PCDHGA9: variants seen among roughly 807,000 people sequenced by gnomAD.
The protein encoded by PCDHGA9 is protocadherin gamma-A9.
In PCDHGA9, 37 loss-of-function variants were observed where a neutral mutation model predicts 62.5. The ratio of observed to expected loss-of-function variants is 0.59; its 90% CI spans 0.46 to 0.78. PCDHGA9 has a LOEUF of 0.78. Ranked by LOEUF, PCDHGA9 falls within the 30% of genes least tolerant of loss-of-function variation. PCDHGA9 has a pLI of 0.00. For missense variants in PCDHGA9, 1,138 were observed against 1,166.2 expected, an observed-to-expected ratio of 0.98 and a Z score of 0.35; for synonymous variants, 459 against 484.6, an observed-to-expected ratio of 0.95 and a Z score of 0.69.
intron 1 of PCDHGA9, chr5:141,418,639 C>T (rs2096276711): frequency 6.2e-7 from 1 of 1,614,014 alleles, no homozygotes; most frequent in Non-Finnish European, 8.5e-7. Flanking sequence ...CAGGCACCTC[C>T]ATCCTGAGAG....
At chr5:141,425,021 CT>C (rs1561817318) in intron 1 of PCDHGA9, among the ~76,000 whole-genome samples, 1 of 152,054 alleles carries the variant, frequency 6.6e-6, no homozygotes, top group Non-Finnish European at 1.5e-5. Context: ...AGGAATTTAC[CT>C]TATGTCATTA....
rs146235929 is a variant in PCDHGA9 at position 141,511,610 on chromosome 5, C to A, written c.*437C>A. On this transcript the variant is annotated 3_prime_UTR_variant, in exon 4 of 4. Transcript: ENST00000573521. ...GAAGTACCAAGTAACCTACAAGCCT[C>A]CTAGTTCTGAAAAGTTGGAAGGGCA... 1.0e-3 allele frequency: 247 copies of A among 237,682 alleles called. 1 individual carries two copies. The highest frequency in any genetic ancestry group is 5.2e-3 in the African/African-American group (235 of 45,400). The allele number at this position is 237,682 out of a possible 1,614,324, so 14.7% of individuals were successfully genotyped here. A position where few individuals can be genotyped will look rare whatever the true frequency, so the allele number is the denominator to read the frequency against.
intron 2 of PCDHGA9, among the ~76,000 whole-genome samples, chr5:141,501,536 G>A (rs570102957): frequency 5.9e-5 from 9 of 152,054 alleles, no homozygotes; most frequent in African/African-American, 2.2e-4. Context: ...GTACGTTGTT[G>A]TGCATAAGAT....
Position 141,490,772 on chromosome 5 carries a change from C to T in PCDHGA9, c.2425-4035C>T. ...GCCTCCTCCTTTGTGTATGTCAACC[C>T]AGAGGATGGACGGATCTTTGCCCAG... On this transcript the variant is annotated intron_variant, in intron 1 of 3. Coordinates refer to ENST00000573521, the MANE Select transcript of PCDHGA9 (RefSeq NM_018921.3). This position sits in a 1 kb window ranked among gnomAD's most constrained non-coding sequence, Gnocchi z 5.4. 6.2e-7 allele frequency: 1 copy of T among 1,614,164 alleles called. No homozygotes were observed. The highest frequency in any genetic ancestry group is 1.1e-5 in the South Asian group (1 of 91,082).
intron 1 of PCDHGA9, among the ~76,000 whole-genome samples, chr5:141,457,459 CA>C (rs1402759850): frequency 6.6e-6 from 1 of 152,166 alleles, no homozygotes; most frequent in Non-Finnish European, 1.5e-5. Context: ...CCACTTGATT[CA>C]CAGGAATAAG....
intron 1 of PCDHGA9, among the ~76,000 whole-genome samples, chr5:141,463,318 C>A (rs2099056713): frequency 6.6e-6 from 1 of 151,878 alleles, no homozygotes; most frequent in East Asian, 1.9e-4. Flanking sequence ...ATATCTATTC[C>A]TCAACTCAGC....
intron 1 of PCDHGA9, chr5:141,420,276 T>C: frequency 6.6e-7 from 1 of 1,523,250 alleles, no homozygotes; most frequent in Non-Finnish European, 8.9e-7. Context: ...CTTAAACAGG[T>C]AAGTATTTAA....
chr5:141,501,290 T>TACACATAC (rs1224133816), intron 2 of PCDHGA9, among the ~76,000 whole-genome samples: 1,510 of 136,196 alleles, frequency 0.011, 8 homozygotes, highest in Admixed American at 0.014. Flanking sequence ...TATTCCCTTA[T>TACACATAC]ACACACACAC....
chr5:141,510,141 T>C (rs1596266322), intron 3 of PCDHGA9, among the ~76,000 whole-genome samples: 1 of 152,014 alleles, frequency 6.6e-6, no homozygotes. Flanking sequence ...GGGCTAGTGG[T>C]GTGCACCTGT....
At chr5:141,455,740 G>C (rs2098830344) in intron 1 of PCDHGA9, among the ~76,000 whole-genome samples, 1 of 152,136 alleles carries the variant, frequency 6.6e-6, no homozygotes, top group Non-Finnish European at 1.5e-5. Context: ...GCATATCAAA[G>C]GTTGCTGGCC....
chr5:141,407,798 A>T (rs2094982737), intron 1 of PCDHGA9, among the ~76,000 whole-genome samples: 1 of 152,256 alleles, frequency 6.6e-6, no homozygotes, highest in Non-Finnish European at 1.5e-5. Context: ...AACACAAAGC[A>T]TAGAAATATC....
intron 1 of PCDHGA9, among the ~76,000 whole-genome samples, chr5:141,456,907 G>A (rs1430292511): frequency 6.6e-6 from 1 of 152,108 alleles, no homozygotes; most frequent in Non-Finnish European, 1.5e-5. Flanking sequence ...AGGTTGCAGT[G>A]AGCCGAGATC....
At position 141,419,294 on chromosome 5, in the gene PCDHGA9, C is replaced by T. The variant is rs770303087; in HGVS notation, c.2424+13918C>T. ...CATAGCGCAAGTCAGTGCCTCTGAC[C>T]CAGACTTCGGGCTCAACGGCCGTGT... On this transcript the variant is annotated intron_variant, in intron 1 of 3. Transcript: ENST00000573521. The T allele has an allele frequency of 1.9e-6, 3 of 1,614,036 alleles. No homozygotes were observed. Among genetic ancestry groups the T allele is most frequent in the East Asian group, 2.2e-5 (1 of 44,886 alleles).
chr5:141,415,102 A>C, intron 1 of PCDHGA9: 1 of 1,613,550 alleles, frequency 6.2e-7, no homozygotes. Flanking sequence ...AGACGCGCTC[A>C]AGCAAAGCCT....
intron 1 of PCDHGA9, among the ~76,000 whole-genome samples, chr5:141,463,527 G>C (rs12109431): frequency 1.5e-5 from 2 of 131,102 alleles, no homozygotes; most frequent in Non-Finnish European, 3.1e-5. Context: ...CGGCTTACTA[G>C]AAACTCCGGC....
chr5:141,438,450 A>G (rs1017249043), intron 1 of PCDHGA9, among the ~76,000 whole-genome samples: 32 of 151,738 alleles, frequency 2.1e-4, no homozygotes, highest in African/African-American at 7.5e-4. Flanking sequence ...ACTCAATACA[A>G]TGCTTGAGTT....
chr5:141,409,666 C>T, intron 1 of PCDHGA9: 3 of 1,613,554 alleles, frequency 1.9e-6, no homozygotes, highest in Non-Finnish European at 2.5e-6. Flanking sequence ...GCCACATCTC[C>T]TACTCTATAG....
At chr5:141,406,346 G>T (rs1296474677) in intron 1 of PCDHGA9, among the ~76,000 whole-genome samples, 2 of 152,092 alleles carry the variant, frequency 1.3e-5, no homozygotes, top group Non-Finnish European at 2.9e-5. Flanking sequence ...ATTTATTCAG[G>T]TCATACTATG....
chr5:141,456,678 T>C (rs2098875796), intron 1 of PCDHGA9, among the ~76,000 whole-genome samples: 1 of 152,152 alleles, frequency 6.6e-6, no homozygotes, highest in South Asian at 2.1e-4. Flanking sequence ...TAAAAATGCA[T>C]TACTGGCCAG....
Sources: gnomAD v4.1 joint callset for allele counts (sites outside exome capture counted in the v4.1 genomes callset) on GRCh38, gnomAD v4.1.1 for gene constraint, Gnocchi (gnomAD v3.1) non-coding constraint, MANE v1.5 for transcripts, NCBI Gene and HGNC (gene_info 2026-07-23, HGNC 2026-07-21) for gene names.